The following TLN2 variants were observed in gnomAD, a reference collection of about 807,000 sequenced individuals.
TLN2 encodes the protein talin-2.
TLN2 carries 118 observed loss-of-function variants against 294.7 expected under a neutral mutation model. The observed-to-expected ratio is 0.40, with a 90% confidence interval of 0.34 to 0.47. TLN2 has a LOEUF of 0.47. Among genes scored for constraint, TLN2 ranks in the 20% least tolerant of loss-of-function variants. The probability of loss-of-function intolerance (pLI) is 0.84; values close to 1 mark genes in which losing one functional copy is unlikely to be tolerated. For synonymous variants in TLN2, 1,431 were observed against 1,304.5 expected (o/e 1.10, Z -2.09); for missense variants, 3,083 against 3,282.2 (o/e 0.94, Z 1.48).
At chr15:62,658,113 A>G (rs1266445694) in intron 9 of TLN2, 7 of 395,766 alleles carry the variant, frequency 1.8e-5, no homozygotes, top group African/African-American at 1.5e-4. Context: ...AAATTCAGTG[A>G]TCTGTGTCCC....
chr15:62,789,423 T>G (rs977220722), intron 45 of TLN2, among the ~76,000 whole-genome samples: 1 of 152,194 alleles, frequency 6.6e-6, no homozygotes, highest in Non-Finnish European at 1.5e-5. Context: ...AGCTGCACCA[T>G]TGATCATATA....
chr15:62,754,104 T>G lies in TLN2; in HGVS notation c.4476+188T>G, dbSNP rs573649500. The G allele has an allele frequency of 1.5e-5, 12 of 795,688 alleles. No homozygotes were observed. The African/African-American group carries it at 1.8e-4, about 12-fold the overall frequency. 49.3% of individuals were successfully genotyped at this position (795,688 alleles called of 1,614,324 possible). A position where few individuals can be genotyped will look rare whatever the true frequency, so the allele number is the denominator to read the frequency against. The stretch of plus-strand genomic sequence containing the variant: ...GCAAAATATGATGAATCTGGAAATT[T>G]GTAAGTGCCTTGAAATGGGGTGCCA... On this transcript the variant is annotated intron_variant, in intron 36 of 58. Coordinates refer to ENST00000636159, the MANE Select transcript of TLN2 (RefSeq NM_015059.3).
chr15:62,800,837 T>C, intron 50 of TLN2, 68 bp downstream of exon 50: 1 of 1,358,672 alleles, frequency 7.4e-7, no homozygotes, highest in Non-Finnish European at 1.0e-6. Flanking sequence ...AGGGCTCATT[T>C]GAGGTTTTTT....
At chr15:62,508,798 G>T (rs2039774245) in intron 1 of TLN2, among the ~76,000 whole-genome samples, 1 of 152,132 alleles carries the variant, frequency 6.6e-6, no homozygotes, top group Admixed American at 6.5e-5. Context: ...TTTTGTGTGT[G>T]TGTGTAATGT....
chr15:62,614,422 A>G (rs2048149169), intron 2 of TLN2, among the ~76,000 whole-genome samples: 1 of 152,188 alleles, frequency 6.6e-6, no homozygotes, highest in Admixed American at 6.5e-5. Context: ...TACAGCATCA[A>G]CTATCCTAAA....
intron 11 of TLN2, among the ~76,000 whole-genome samples, chr15:62,676,533 C>T (rs1055542504): frequency 6.6e-6 from 1 of 152,160 alleles, no homozygotes; most frequent in African/African-American, 2.4e-5. Flanking sequence ...ATAATAACAG[C>T]AATAATGTTT....
intron 13 of TLN2, among the ~76,000 whole-genome samples, chr15:62,693,883 C>A (rs1453263964): frequency 1.3e-5 from 2 of 150,610 alleles, no homozygotes; most frequent in African/African-American, 4.9e-5. Flanking sequence ...GAGTAAACTT[C>A]AACACTTTGA....
intron 1 of TLN2, among the ~76,000 whole-genome samples, chr15:62,562,464 C>G (rs1186971315): frequency 6.6e-6 from 1 of 152,182 alleles, no homozygotes; most frequent in Non-Finnish European, 1.5e-5. Flanking sequence ...CCTTGCCTGT[C>G]TGATGCAGCC....
intron 1 of TLN2, among the ~76,000 whole-genome samples, chr15:62,580,664 G>A (rs758015406): frequency 6.6e-6 from 1 of 151,820 alleles, no homozygotes; most frequent in Non-Finnish European, 1.5e-5. Flanking sequence ...ACCTATCTTC[G>A]CCTCCCAAAG....
intron 4 of TLN2, among the ~76,000 whole-genome samples, chr15:62,648,527 GTGA>G (rs139879266): frequency 1.0e-4 from 15 of 146,828 alleles, no homozygotes; most frequent in Non-Finnish European, 1.9e-4. Flanking sequence ...GGTCTAAAAC[GTGA>G]TGATGATGAT....
At chr15:62,406,828 T>C (rs186852787) in intron 1 of TLN2, among the ~76,000 whole-genome samples, 50 of 152,272 alleles carry the variant, frequency 3.3e-4, no homozygotes, top group Non-Finnish European at 5.1e-4. Flanking sequence ...TTTCCACTTT[T>C]TATGAGGACA....
At chr15:62,609,856 C>T (rs1293179706) in intron 2 of TLN2, among the ~76,000 whole-genome samples, 2 of 152,114 alleles carry the variant, frequency 1.3e-5, no homozygotes, top group Non-Finnish European at 2.9e-5. Context: ...TTTATTTATA[C>T]CAGTGTGGAC....
intron 55 of TLN2, 114 bp downstream of exon 55, chr15:62,833,743 C>T: frequency 7.0e-7 from 1 of 1,420,608 alleles, no homozygotes; most frequent in Non-Finnish European, 9.3e-7. Context: ...CAGTGCCTTC[C>T]CTCCCTGAAT....
chr15:62,501,098 T>C (rs2039280455), intron 1 of TLN2, among the ~76,000 whole-genome samples: 1 of 152,260 alleles, frequency 6.6e-6, no homozygotes, highest in Admixed American at 6.5e-5. Context: ...GGGCATGTTA[T>C]AGACCATCTC....
chr15:62,732,602 C>T (rs950242167), intron 28 of TLN2, among the ~76,000 whole-genome samples: 2 of 152,114 alleles, frequency 1.3e-5, no homozygotes, highest in African/African-American at 4.8e-5. Flanking sequence ...TTGTATAGGT[C>T]GCCCTTCCTC....
At chr15:62,661,064 A>G (rs1336365108) in intron 9 of TLN2, among the ~76,000 whole-genome samples, 3 of 152,190 alleles carry the variant, frequency 2.0e-5, no homozygotes, top group Non-Finnish European at 4.4e-5. Context: ...TGTAAAGAAG[A>G]ATTAACTCTT....
In TLN2 at chr15:62,782,168, G is replaced by A. The variant is rs74421270; in HGVS notation, c.5616+927G>A. ...GCCCAGGTCCCCTCTGAGTGGTTTT[G>A]TCATGTAATCATGTGTCCACTAGGG... On this transcript the variant is annotated intron_variant, in intron 44 of 58. Transcript: ENST00000636159. Among the ~76,000 whole-genome samples the A allele has an allele frequency of 2.9e-3, 445 of 152,326 alleles. 1 individual carries two copies. The highest frequency in any genetic ancestry group is 4.8e-3 in the Non-Finnish European group (329 of 68,034).
intron 1 of TLN2, among the ~76,000 whole-genome samples, chr15:62,584,686 G>A (rs1164211489): frequency 6.6e-6 from 1 of 152,244 alleles, no homozygotes; most frequent in Admixed American, 6.5e-5. Flanking sequence ...GCAAAAACAA[G>A]TAAGTCCTTG....
intron 1 of TLN2, among the ~76,000 whole-genome samples, chr15:62,413,877 G>A (rs2033923280): frequency 6.6e-6 from 1 of 152,186 alleles, no homozygotes; most frequent in Middle Eastern, 3.4e-3. Context: ...GTTAAAAATG[G>A]TTTAATGTGT....
Sources: allele counts gnomAD v4.1 joint callset (sites outside exome capture counted in the v4.1 genomes callset), GRCh38; gene constraint gnomAD v4.1.1; transcripts MANE v1.5; gene names NCBI Gene and HGNC (gene_info 2026-07-23, HGNC 2026-07-21).